The following SORCS1 variants were observed in gnomAD, a reference collection of about 807,000 sequenced individuals.
The protein encoded by SORCS1 is sortilin related VPS10 domain containing receptor 1.
Under a neutral mutation model 146.1 loss-of-function variants are expected in SORCS1, and 60 were observed. That is an observed-to-expected ratio of 0.41 (90% confidence interval 0.33 to 0.51). The LOEUF (loss-of-function observed/expected upper bound fraction) is 0.51, where lower values mean the gene tolerates loss of function less well. Among genes scored for constraint, SORCS1 ranks in the 20% least tolerant of loss-of-function variants. The pLI, the probability that SORCS1 is intolerant of heterozygous loss-of-function variation, is 0.21. For synonymous variants in SORCS1, 637 were observed against 584.0 expected (o/e 1.09, Z -1.31); for missense variants, 1,352 against 1,487.6 (o/e 0.91, Z 1.50).
At chr10:106,941,325 C>T (rs1234684283) in intron 2 of SORCS1, among the ~76,000 whole-genome samples, 1 of 152,130 alleles carries the variant, frequency 6.6e-6, no homozygotes, top group Non-Finnish European at 1.5e-5. Context: ...AGGTGATCCA[C>T]ACTCAACATC....
At chr10:107,072,013 G>A (rs1324886619) in intron 1 of SORCS1, among the ~76,000 whole-genome samples, 1 of 152,194 alleles carries the variant, frequency 6.6e-6, no homozygotes, top group Non-Finnish European at 1.5e-5. Flanking sequence ...ATCTCTGGTG[G>A]AACACCAGGC....
chr10:106,578,770 T>G, intron 25 of SORCS1: 3 of 1,149,932 alleles, frequency 2.6e-6, no homozygotes, highest in Non-Finnish European at 3.2e-6. Flanking sequence ...AGGCCTCTCC[T>G]TCTTATATAC....
In SORCS1 at chr10:107,085,852, T is replaced by C. The variant is rs986329809; in HGVS notation, c.558+78117A>G. Among the ~76,000 whole-genome samples the C allele has an allele frequency of 3.3e-5, 5 of 152,180 alleles. No individual in the cohort carries two copies. In the East Asian group the frequency reaches 5.8e-4, roughly 18 times the overall value. On this transcript the variant is annotated intron_variant, in intron 1 of 25. Transcript: ENST00000263054. Reference sequence around the variant, plus strand: ...TTTGTATTACGCCGAGGCAACTGCATTGAAGACACTAGCTCTACATTGTAC... The same window carrying C: ...TTTGTATTACGCCGAGGCAACTGCACTGAAGACACTAGCTCTACATTGTAC...
chr10:107,111,784 A>C (rs765359737), intron 1 of SORCS1, among the ~76,000 whole-genome samples: 2 of 152,208 alleles, frequency 1.3e-5, no homozygotes, highest in African/African-American at 2.4e-5. Flanking sequence ...TTATAAATGA[A>C]TTATTAAAAG....
chr10:107,081,239 T>A (rs530530008), intron 1 of SORCS1, among the ~76,000 whole-genome samples: 2 of 152,164 alleles, frequency 1.3e-5, no homozygotes, highest in Non-Finnish European at 2.9e-5. Flanking sequence ...TAAGAAGACA[T>A]CTGAAAATTT....
At chr10:107,137,145 C>T (rs10787012) in intron 1 of SORCS1, among the ~76,000 whole-genome samples, 13,766 of 152,152 alleles carry the variant, frequency 0.09, 870 homozygotes, top group East Asian at 0.33. Flanking sequence ...ACACAGCCAT[C>T]ATTCCTCCAG....
At position 106,960,046 on chromosome 10, in the gene SORCS1, T is replaced by C. The variant is rs1407609220; in HGVS notation, c.559-3466A>G. 6.6e-6 allele frequency among the ~76,000 whole-genome samples: 1 copy of C among 152,186 alleles called. No individual in the cohort carries two copies. The highest frequency in any genetic ancestry group is 2.4e-5 in the African/African-American group (1 of 41,456). ...GGCATATCCATCAGCACCCCATTTATTTCTGTATCTTGTTTTCATTATACA... is the reference window on the plus strand; with the variant it reads ...GGCATATCCATCAGCACCCCATTTACTTCTGTATCTTGTTTTCATTATACA... On this transcript the variant is annotated intron_variant, in intron 1 of 25. Coordinates refer to ENST00000263054, the MANE Select transcript of SORCS1 (RefSeq NM_052918.5). This position sits in a 1 kb window ranked among gnomAD's most constrained non-coding sequence, Gnocchi z 4.4.
chr10:106,619,735 A>G (rs1309003838), intron 20 of SORCS1, among the ~76,000 whole-genome samples: 1 of 152,224 alleles, frequency 6.6e-6, no homozygotes, highest in Non-Finnish European at 1.5e-5. Flanking sequence ...AAACCACTCC[A>G]GCTGCACCAC....
rs569722507 is a variant in SORCS1 at position 106,629,461 on chromosome 10, G to A, written c.2476-73C>T. The stretch of plus-strand genomic sequence containing the variant: ...TCCTGCCTAGGGGACTGGGGACTAC[G>A]GCTTGTCCTAGTCCCTGGCTCAGGC... On this transcript the variant is annotated intron_variant, in intron 18 of 25. Transcript: ENST00000263054. 1.4e-4 allele frequency: 214 copies of A among 1,498,346 alleles called. 1 individual carries two copies. Among genetic ancestry groups the A allele is most frequent in the Admixed American group, 3.1e-4 (17 of 54,506 alleles). The allele number at this position is 1,498,346 out of a possible 1,614,324, so 92.8% of individuals were successfully genotyped here. A position where few individuals can be genotyped will look rare whatever the true frequency, so the allele number is the denominator to read the frequency against.
At chr10:106,823,947 C>T (rs1162208774) in intron 3 of SORCS1, among the ~76,000 whole-genome samples, 1 of 152,120 alleles carries the variant, frequency 6.6e-6, no homozygotes, top group Non-Finnish European at 1.5e-5. Flanking sequence ...TTCAATGATA[C>T]GTGATTCTTC....
At chr10:106,615,519 T>G (rs749459687) in intron 21 of SORCS1, among the ~76,000 whole-genome samples, 2 of 152,174 alleles carry the variant, frequency 1.3e-5, no homozygotes, top group Admixed American at 1.3e-4. Context: ...TCATTAAAAC[T>G]GTCTGATCAT....
At chr10:106,704,323 T>C (rs1564878026) in intron 8 of SORCS1, among the ~76,000 whole-genome samples, 1 of 152,100 alleles carries the variant, frequency 6.6e-6, no homozygotes, top group Non-Finnish European at 1.5e-5. Context: ...ACCTTGAGAG[T>C]CAGGAGACTT....
chr10:106,635,795 A>C (rs1319651087), intron 18 of SORCS1, among the ~76,000 whole-genome samples: 1 of 152,208 alleles, frequency 6.6e-6, no homozygotes, highest in African/African-American at 2.4e-5. Context: ...TGTTATTTTG[A>C]CCACAAAGTA....
chr10:106,940,167 C>T (rs1024954748), intron 2 of SORCS1, among the ~76,000 whole-genome samples: 3 of 152,174 alleles, frequency 2.0e-5, no homozygotes, highest in Non-Finnish European at 1.5e-5. Context: ...TATCTGTCAC[C>T]TCCCTCAAGT....
At chr10:106,750,757 A>AAAAG (rs1858122849) in intron 5 of SORCS1, among the ~76,000 whole-genome samples, 1 of 132,382 alleles carries the variant, frequency 7.6e-6, no homozygotes, top group Non-Finnish European at 1.6e-5. Flanking sequence ...AAAAAAAAAA[A>AAAAG]AAAAGAAAAG....
At chr10:106,733,352 A>G (rs55873395) in intron 5 of SORCS1, among the ~76,000 whole-genome samples, 6,949 of 152,258 alleles carry the variant, frequency 0.046, 477 homozygotes, top group African/African-American at 0.16. Context: ...CCTGTGGTCC[A>G]AGAGTATCTC....
intron 9 of SORCS1, among the ~76,000 whole-genome samples, chr10:106,696,559 A>G (rs1487048337): frequency 1.3e-5 from 2 of 152,152 alleles, no homozygotes; most frequent in Non-Finnish European, 2.9e-5. Context: ...TTTACATAAT[A>G]CAGTCACATC....
intron 1 of SORCS1, among the ~76,000 whole-genome samples, chr10:107,160,689 T>C (rs555260499): frequency 3.9e-5 from 6 of 152,138 alleles, no homozygotes; most frequent in Non-Finnish European, 5.9e-5. Flanking sequence ...GAGTGGTGAA[T>C]TGAAATACTA....
intron 18 of SORCS1, among the ~76,000 whole-genome samples, chr10:106,638,672 T>C (rs901441675): frequency 3.3e-5 from 5 of 152,208 alleles, no homozygotes; most frequent in African/African-American, 9.6e-5. Flanking sequence ...ACCTCTTCTA[T>C]GAAATGGATA....
Sources: gnomAD v4.1 joint callset for allele counts (sites outside exome capture counted in the v4.1 genomes callset) on GRCh38, gnomAD v4.1.1 for gene constraint, Gnocchi (gnomAD v3.1) non-coding constraint, MANE v1.5 for transcripts, NCBI Gene and HGNC (gene_info 2026-07-23, HGNC 2026-07-21) for gene names.